Variants in PRKCZ observed in about 807,000 individuals in gnomAD.
PRKCZ encodes protein kinase C zeta, also known as protein kinase C zeta type.
A neutral mutation model predicts 79.5 loss-of-function variants in PRKCZ; 33 were observed. The observed-to-expected ratio is 0.41, with a 90% CI of 0.31 to 0.55. The LOEUF is 0.55. Among genes scored for constraint, PRKCZ ranks in the 20% least tolerant of loss-of-function variants. PRKCZ has a pLI of 0.19. For missense variants in PRKCZ, 578 were observed against 813.5 expected, an observed-to-expected ratio of 0.71 and a Z score of 3.52; for synonymous variants, 342 against 320.9, an observed-to-expected ratio of 1.07 and a Z score of -0.70.
rs116758042 is a variant in PRKCZ, at chr1:2,166,282, G to A, written c.975-3236G>A. On this transcript the variant is annotated intron_variant, in intron 10 of 17. Transcript: ENST00000378567. ...AAAAATTTAAAAATTAGCTGGCGGTGGTGGTGCAAGCATGTGGTCCCAGCT... is the reference window on the plus strand; with the variant it reads ...AAAAATTTAAAAATTAGCTGGCGGTAGTGGTGCAAGCATGTGGTCCCAGCT... 5.2e-3 allele frequency among the ~76,000 whole-genome samples: 791 copies of A among 152,256 alleles called. 11 individuals are homozygous for A. Among genetic ancestry groups the A allele is most frequent in the African/African-American group, 0.018 (749 of 41,536 alleles).
At chr1:2,135,529 G>C (rs1184170668) in intron 5 of PRKCZ, among the ~76,000 whole-genome samples, 182 bp downstream of exon 5, 1 of 152,250 alleles carries the variant, frequency 6.6e-6, no homozygotes, top group Non-Finnish European at 1.5e-5. Flanking sequence ...TGTCTGAGGC[G>C]GGAAGTGCCC....
intron 4 of PRKCZ, among the ~76,000 whole-genome samples, chr1:2,061,642 G>A (rs987204080): frequency 1.3e-5 from 2 of 152,178 alleles, no homozygotes; most frequent in African/African-American, 2.4e-5. Context: ...AGCCTTTGCC[G>A]AGGAGGTCAG....
chr1:2,062,944 C>T (rs1004404583), intron 4 of PRKCZ, among the ~76,000 whole-genome samples: 1 of 152,200 alleles, frequency 6.6e-6, no homozygotes, highest in Non-Finnish European at 1.5e-5. Flanking sequence ...CTGCCTCCCC[C>T]AGCCCCCATC....
chr1:2,056,490 C>G lies in PRKCZ; in HGVS notation c.200C>G (p.Pro67Arg), dbSNP rs773636992. The G allele has an allele frequency of 3.1e-6, 5 of 1,613,720 alleles. No individual in the cohort carries two copies. The Admixed American group carries it at 8.3e-5, about 27-fold the overall frequency. The part of the protein sequence containing the change: ...TLKWVDSEGD[P>R]CTVSSQMELE... ...CGTCTCCTGCCCCACCCAGGTGACC[C>G]TTGCACGGTGTCCTCCCAGATGGAG... is the stretch of plus-strand genomic sequence containing the variant. Residue 67 changes from proline to arginine, a missense_variant, in exon 3 of 18, where the codon CCT becomes CGT. Physicochemically the swap from Pro to Arg is moderately radical, Grantham distance 103. This residue lies in a region of PRKCZ where 228 missense variants were observed against 211.6 expected (regional missense o/e 1.08). Transcript: ENST00000378567.
intron 10 of PRKCZ, among the ~76,000 whole-genome samples, chr1:2,163,793 G>C (rs541371241): frequency 2.0e-4 from 30 of 152,076 alleles, no homozygotes; most frequent in Admixed American, 2.0e-3. Context: ...CAGCTACTTG[G>C]GAGGCTGAGG....
In PRKCZ at chr1:2,168,639, G is replaced by T. The variant is rs977128427; in HGVS notation, c.975-879G>T. On this transcript the variant is annotated intron_variant, in intron 10 of 17. Coordinates refer to ENST00000378567, the MANE Select transcript of PRKCZ (RefSeq NM_002744.6). The surrounding 1 kb of genome is among the most constrained non-coding windows in gnomAD (Gnocchi z 4.7). ...CAGGAGCAGGGACAGGTGCCTTGAG[G>T]CGTAACAGTGGCGGTGGTGTGGGAG... 2.0e-5 allele frequency among the ~76,000 whole-genome samples: 3 copies of T among 152,176 alleles called. No homozygotes were observed. The highest frequency in any genetic ancestry group is 7.2e-5 in the African/African-American group (3 of 41,434).
At chr1:2,144,112 G>A (rs1236419507) in intron 5 of PRKCZ, 98 bp from the exon 6 acceptor site, 4 of 1,468,320 alleles carry the variant, frequency 2.7e-6, no homozygotes, top group Non-Finnish European at 2.7e-6. Flanking sequence ...CCGGCTCAGT[G>A]TCCTCTTTTG....
In PRKCZ at chr1:2,178,329, TCCA is replaced by T. The variant is rs1217423007; in HGVS notation, c.1575+3018_1575+3020del. Among the ~76,000 whole-genome samples, 1 of 152,170 alleles carries T rather than the reference TCCA, an allele frequency of 6.6e-6. No homozygotes were observed. The highest frequency in any genetic ancestry group is 2.4e-5 in the African/African-American group (1 of 41,424). On this transcript the variant is annotated intron_variant, in intron 16 of 17. Transcript: ENST00000378567. This position sits in a 1 kb window ranked among gnomAD's most constrained non-coding sequence, Gnocchi z 4.3. ...TGCCTGCCCTCCCCTCAGCATTGTC[TCCA>T]CAAGCTGCACCCACACAGTAGCACG...
intron 1 of PRKCZ, among the ~76,000 whole-genome samples, chr1:2,053,606 G>A (rs1268827879): frequency 6.6e-6 from 1 of 152,188 alleles, no homozygotes. Flanking sequence ...CACTTCCCAA[G>A]CCCTGGGGTT....
intron 8 of PRKCZ, among the ~76,000 whole-genome samples, 188 bp from the exon 9 acceptor site, chr1:2,150,602 C>A (rs1679692582): frequency 6.6e-6 from 1 of 152,242 alleles, no homozygotes; most frequent in Non-Finnish European, 1.5e-5. Flanking sequence ...TAAATTCTTA[C>A]CTTTCATGCC....
At chr1:2,133,019 G>A (rs1445579978) in intron 4 of PRKCZ, among the ~76,000 whole-genome samples, 1 of 152,220 alleles carries the variant, frequency 6.6e-6, no homozygotes, top group Non-Finnish European at 1.5e-5. Flanking sequence ...TGGGGACGCC[G>A]GGCTGTGTGC....
intron 4 of PRKCZ, among the ~76,000 whole-genome samples, chr1:2,129,766 C>T (rs1160837010): frequency 6.6e-6 from 1 of 152,168 alleles, no homozygotes; most frequent in African/African-American, 2.4e-5. Flanking sequence ...TTCCTCTCAG[C>T]CTCCATAGGC....
chr1:2,153,349 G>A (rs1177104685), intron 9 of PRKCZ, among the ~76,000 whole-genome samples: 1 of 152,250 alleles, frequency 6.6e-6, no homozygotes, highest in African/African-American at 2.4e-5. Context: ...TTGTCACCAA[G>A]TGCTGCTAGC....
At chr1:2,170,034 C>T (rs1274128361) in intron 11 of PRKCZ, among the ~76,000 whole-genome samples, 1 of 152,132 alleles carries the variant, frequency 6.6e-6, no homozygotes, top group Non-Finnish European at 1.5e-5. Context: ...AGCACCATGC[C>T]TCATCCGAGA....
At chr1:2,053,564 G>A (rs1659890296) in intron 1 of PRKCZ, among the ~76,000 whole-genome samples, 1 of 152,208 alleles carries the variant, frequency 6.6e-6, no homozygotes, top group African/African-American at 2.4e-5. Flanking sequence ...GTTTGATTCA[G>A]GATTGGGATA....
Position 2,168,562 on chromosome 1 carries a change from G to A in PRKCZ, c.975-956G>A, listed in dbSNP as rs1045937685. On this transcript the variant is annotated intron_variant, in intron 10 of 17. Transcript: ENST00000378567. This position sits in a 1 kb window ranked among gnomAD's most constrained non-coding sequence, Gnocchi z 4.7. ...GATTTGCAGCCAGTTCACCTGCCCT[G>A]TGTAAACTGGCCTCTGTCCTCTCTG... Among the ~76,000 whole-genome samples, 2 of 152,192 alleles carry A rather than the reference G, an allele frequency of 1.3e-5. No individual in the cohort carries two copies. The highest frequency in any genetic ancestry group is 4.8e-5 in the African/African-American group (2 of 41,446).
intron 4 of PRKCZ, among the ~76,000 whole-genome samples, chr1:2,095,815 CTCCTGTCCCT>C (rs1181912084): frequency 2.8e-5 from 4 of 143,802 alleles, no homozygotes; most frequent in African/African-American, 7.8e-5. Context: ...CTCCCTTCCC[CTCCTGTCCCT>C]TCCCCTCCCT....
intron 4 of PRKCZ, among the ~76,000 whole-genome samples, chr1:2,079,754 A>G (rs913740310): frequency 6.6e-6 from 1 of 152,066 alleles, no homozygotes; most frequent in African/African-American, 2.4e-5. Flanking sequence ...GTTTTCACCG[A>G]GAGTCCCTTT....
At position 2,094,362 on chromosome 1, in the gene PRKCZ, C is replaced by T. The variant is rs1292635338; in HGVS notation, c.334+34771C>T. On this transcript the variant is annotated intron_variant, in intron 4 of 17. Transcript: ENST00000378567. The surrounding 1 kb of genome is among the most constrained non-coding windows in gnomAD (Gnocchi z 7.3). ...AGTGGCGGAGGCAGTGGCCCCGGCT[C>T]GTTGAACCTTGGGCACTGCCCATTC... Among the ~76,000 whole-genome samples the T allele has an allele frequency of 2.6e-5, 4 of 152,094 alleles. No individual in the cohort carries two copies. The highest frequency in any genetic ancestry group is 2.1e-4 in the South Asian group (1 of 4,830).
Sources: gnomAD v4.1 joint callset for allele counts (sites outside exome capture counted in the v4.1 genomes callset) on GRCh38, gnomAD v4.1.1 for gene constraint, gnomAD v4.1.1 regional missense constraint, Gnocchi (gnomAD v3.1) non-coding constraint, MANE v1.5 for transcripts, NCBI Gene and HGNC (gene_info 2026-07-23, HGNC 2026-07-21) for gene names.